The following SNTG2 variants were observed in gnomAD, a reference collection of about 807,000 sequenced individuals.
The protein encoded by SNTG2 is gamma-2-syntrophin.
A neutral mutation model predicts 70.9 loss-of-function variants in SNTG2; 74 were observed. The ratio of observed to expected loss-of-function variants is 1.04; its 90% CI spans 0.86 to 1.27. The LOEUF (loss-of-function observed/expected upper bound fraction) is 1.27, where lower values mean the gene tolerates loss of function less well. Ranked by LOEUF, SNTG2 falls within the 50% of genes most tolerant of loss-of-function variation. The probability of loss-of-function intolerance (pLI) is 0.00; values close to 1 mark genes in which losing one functional copy is unlikely to be tolerated. For missense variants in SNTG2, 717 were observed against 690.7 expected, an observed-to-expected ratio of 1.04 and a Z score of -0.43; for synonymous variants, 278 against 273.8, an observed-to-expected ratio of 1.02 and a Z score of -0.15.
intron 1 of SNTG2, among the ~76,000 whole-genome samples, chr2:1,080,540 G>A (rs1664217134): frequency 6.6e-6 from 1 of 151,808 alleles, no homozygotes; most frequent in Non-Finnish European, 1.5e-5. Flanking sequence ...GTGTCTGTGT[G>A]TGTGCATGCA....
chr2:1,045,911 T>G (rs1306150870), intron 1 of SNTG2, among the ~76,000 whole-genome samples: 1 of 152,180 alleles, frequency 6.6e-6, no homozygotes. Context: ...TGAGTTTAAA[T>G]CCTGAATATA....
intron 1 of SNTG2, among the ~76,000 whole-genome samples, chr2:965,676 C>G (rs1022233980): frequency 6.6e-6 from 1 of 152,028 alleles, no homozygotes; most frequent in Non-Finnish European, 1.5e-5. Flanking sequence ...GTGTCAGCTG[C>G]CCAGTGTGTG....
At chr2:1,179,519 G>T (rs1183454054) in intron 8 of SNTG2, among the ~76,000 whole-genome samples, 5 of 151,890 alleles carry the variant, frequency 3.3e-5, no homozygotes, top group Non-Finnish European at 7.4e-5. Flanking sequence ...GGGATGTGAA[G>T]GACCTCTTCA....
chr2:1,169,204 AAAG>A (rs1670958512), intron 7 of SNTG2, among the ~76,000 whole-genome samples: 2 of 152,194 alleles, frequency 1.3e-5, no homozygotes, highest in Admixed American at 1.3e-4. Flanking sequence ...GCCAGAAAGA[AAAG>A]AAGAGAAGAT....
chr2:995,195 G>C (rs57074307), intron 1 of SNTG2, among the ~76,000 whole-genome samples: 13,150 of 151,868 alleles, frequency 0.087, 755 homozygotes, highest in South Asian at 0.21. Flanking sequence ...TGTTTACTAT[G>C]GATTTTCCAC....
chr2:1,174,825 T>A (rs1482245302), intron 8 of SNTG2, among the ~76,000 whole-genome samples: 1 of 152,254 alleles, frequency 6.6e-6, no homozygotes, highest in Non-Finnish European at 1.5e-5. Flanking sequence ...TGGTTTTTCC[T>A]CTTCTGTGAA....
intron 1 of SNTG2, among the ~76,000 whole-genome samples, chr2:1,077,801 A>T (rs766891833): frequency 3.9e-5 from 6 of 152,096 alleles, no homozygotes; most frequent in Non-Finnish European, 8.8e-5. Context: ...TATGACACCC[A>T]TGTTTACAGT....
intron 1 of SNTG2, among the ~76,000 whole-genome samples, chr2:953,272 T>G (rs1359169980): frequency 6.6e-6 from 1 of 152,210 alleles, no homozygotes; most frequent in East Asian, 1.9e-4. Flanking sequence ...CTCAGTACAA[T>G]GTGCGAAGTG....
intron 9 of SNTG2, 66 bp downstream of exon 9, chr2:1,209,296 G>A: frequency 6.2e-7 from 1 of 1,601,522 alleles, no homozygotes; most frequent in Middle Eastern, 1.7e-4. Flanking sequence ...AGTTCCTACA[G>A]GCCGCTGGTT....
intron 14 of SNTG2, among the ~76,000 whole-genome samples, chr2:1,278,786 A>G (rs556149571): frequency 1.3e-5 from 2 of 152,312 alleles, no homozygotes; most frequent in Admixed American, 1.3e-4. Flanking sequence ...CTGAGGTTTC[A>G]GTTACCCGTG....
intron 1 of SNTG2, among the ~76,000 whole-genome samples, chr2:993,674 G>T (rs1661579211): frequency 1.3e-5 from 2 of 151,986 alleles, no homozygotes; most frequent in Middle Eastern, 3.2e-3. Flanking sequence ...TCCAGTTTCT[G>T]CATGTTACTA....
At chr2:1,255,805 T>TAC (rs1553373279) in intron 12 of SNTG2, among the ~76,000 whole-genome samples, 1 of 121,934 alleles carries the variant, frequency 8.2e-6, no homozygotes, top group African/African-American at 2.9e-5. Flanking sequence ...TATATATATA[T>TAC]ACACAAAGTT....
chr2:1,113,612 C>T (rs868698634), intron 4 of SNTG2, among the ~76,000 whole-genome samples: 8 of 149,144 alleles, frequency 5.4e-5, no homozygotes, highest in Middle Eastern at 3.8e-3. Context: ...TGAGGAGGAT[C>T]GTGTGTACTA....
intron 1 of SNTG2, among the ~76,000 whole-genome samples, chr2:975,633 A>T (rs1367403222): frequency 6.9e-6 from 1 of 144,850 alleles, no homozygotes; most frequent in African/African-American, 2.6e-5. Flanking sequence ...CACCACATAC[A>T]GCTTAATGTT....
In SNTG2 at chr2:1,040,212, A is replaced by G. The variant is rs201496594; in HGVS notation, c.73-43306A>G. On this transcript the variant is annotated intron_variant, in intron 1 of 16. Transcript: ENST00000308624. ...CCATAGAATCACCTGCAGGCAGGAT[A>G]AATTCCTGCACCCCACGCCAGTGAC... 2.6e-5 allele frequency among the ~76,000 whole-genome samples: 4 copies of G among 152,232 alleles called. No individual in the cohort carries two copies. In the East Asian group the frequency reaches 7.7e-4, roughly 29 times the overall value.
intron 4 of SNTG2, among the ~76,000 whole-genome samples, chr2:1,103,953 C>T (rs1464606545): frequency 6.6e-6 from 1 of 152,116 alleles, no homozygotes; most frequent in African/African-American, 2.4e-5. Context: ...ATTATTATGT[C>T]AGGTATGGAT....
intron 12 of SNTG2, among the ~76,000 whole-genome samples, chr2:1,255,355 C>G (rs9677372): frequency 0.3 from 45,571 of 152,032 alleles, 7,616 homozygotes; most frequent in African/African-American, 0.45. Flanking sequence ...AGACTCCCCT[C>G]ATAAAACATC....
chr2:1,111,271 A>C (rs936132968), intron 4 of SNTG2, among the ~76,000 whole-genome samples: 6 of 152,258 alleles, frequency 3.9e-5, no homozygotes, highest in African/African-American at 1.4e-4. Context: ...AATCACAAGA[A>C]ACATCAGAAG....
chr2:1,365,022 A>G (rs1661402652), intron 16 of SNTG2, among the ~76,000 whole-genome samples: 1 of 152,202 alleles, frequency 6.6e-6, no homozygotes, highest in South Asian at 2.1e-4. Context: ...AAACACATAC[A>G]TACATTGAAT....
Sources: gnomAD v4.1 joint callset for allele counts (sites outside exome capture counted in the v4.1 genomes callset) on GRCh38, gnomAD v4.1.1 for gene constraint, MANE v1.5 for transcripts, NCBI Gene and HGNC (gene_info 2026-07-23, HGNC 2026-07-21) for gene names.